The following ULK4 variants were observed in gnomAD, a reference collection of about 807,000 sequenced individuals.
The protein encoded by ULK4 is inactive serine/threonine-protein kinase ULK4.
ULK4 carries 133 observed loss-of-function variants against 160.6 expected under a neutral mutation model. The ratio of observed to expected loss-of-function variants is 0.83; its 90% CI spans 0.72 to 0.96. The LOEUF (loss-of-function observed/expected upper bound fraction) is 0.96, where lower values mean the gene tolerates loss of function less well. Ranked by LOEUF, ULK4 falls within the 40% of genes least tolerant of loss-of-function variation. The pLI, the probability that ULK4 is intolerant of heterozygous loss-of-function variation, is 0.00. For missense variants in ULK4, 1,580 were observed against 1,499.5 expected (o/e 1.05, Z -0.89); for synonymous variants, 534 against 539.8 (o/e 0.99, Z 0.15).
At chr3:41,885,302 T>C (rs1697679060) in intron 16 of ULK4, among the ~76,000 whole-genome samples, 1 of 152,184 alleles carries the variant, frequency 6.6e-6, no homozygotes, top group African/African-American at 2.4e-5. Context: ...CCAAAAACAA[T>C]TCCTATTAGA....
intron 1 of ULK4, among the ~76,000 whole-genome samples, chr3:41,959,691 C>A (rs920854944): frequency 6.6e-6 from 1 of 151,998 alleles, no homozygotes; most frequent in Non-Finnish European, 1.5e-5. Context: ...GTAATCCCAA[C>A]GCTTTCGGAG....
chr3:41,739,351 C>T (rs1315370282), intron 22 of ULK4, among the ~76,000 whole-genome samples: 1 of 151,878 alleles, frequency 6.6e-6, no homozygotes, highest in Non-Finnish European at 1.5e-5. Flanking sequence ...AGCACTGAAT[C>T]TGGTTAGTGA....
intron 34 of ULK4, among the ~76,000 whole-genome samples, chr3:41,419,033 A>G (rs1575535623): frequency 6.6e-6 from 1 of 152,256 alleles, no homozygotes; most frequent in African/African-American, 2.4e-5. Context: ...CACCAAGTTC[A>G]TAAGTCCTGT....
chr3:41,945,516 G>C (rs1251319320), intron 2 of ULK4, among the ~76,000 whole-genome samples: 3 of 152,112 alleles, frequency 2.0e-5, no homozygotes. Flanking sequence ...CTCCTTTGCT[G>C]GGTCCTCCTT....
At chr3:41,510,904 G>A (rs2085549798) in intron 32 of ULK4, among the ~76,000 whole-genome samples, 2 of 152,166 alleles carry the variant, frequency 1.3e-5, no homozygotes, top group African/African-American at 2.4e-5. Context: ...GCTCATGCCT[G>A]TAATCCCTGC....
At chr3:41,856,012 T>G (rs1404540873) in intron 17 of ULK4, among the ~76,000 whole-genome samples, 1 of 152,182 alleles carries the variant, frequency 6.6e-6, no homozygotes, top group East Asian at 1.9e-4. Flanking sequence ...ATTAAATGAA[T>G]TCCATCATTT....
At chr3:41,593,123 T>C (rs2031464667) in intron 31 of ULK4, among the ~76,000 whole-genome samples, 1 of 152,250 alleles carries the variant, frequency 6.6e-6, no homozygotes, top group Non-Finnish European at 1.5e-5. Context: ...ATATTTTGTT[T>C]CTTTGCTGAA....
intron 35 of ULK4, among the ~76,000 whole-genome samples, chr3:41,316,219 C>T (rs1168391836): frequency 2.0e-5 from 3 of 152,098 alleles, no homozygotes; most frequent in African/African-American, 7.2e-5. Context: ...AAAAGAGGCA[C>T]CGACGCATGC....
intron 31 of ULK4, among the ~76,000 whole-genome samples, chr3:41,590,953 T>C (rs2031258791): frequency 6.6e-6 from 1 of 151,974 alleles, no homozygotes; most frequent in African/African-American, 2.4e-5. Flanking sequence ...AAGAAAATCA[T>C]AATTCCACAG....
At chr3:41,721,356 ATATATAT>A (rs1217095574) in intron 22 of ULK4, among the ~76,000 whole-genome samples, 63 of 61,626 alleles carry the variant, frequency 1.0e-3, no homozygotes, top group African/African-American at 4.5e-3. Flanking sequence ...ATATATATAT[ATATATAT>A]TTTTTTTTTT....
intron 34 of ULK4, among the ~76,000 whole-genome samples, chr3:41,403,614 T>A (rs2082229598): frequency 6.6e-6 from 1 of 152,160 alleles, no homozygotes; most frequent in South Asian, 2.1e-4. Flanking sequence ...TCTTTATAAT[T>A]CCTTCCCTTT....
chr3:41,395,972 G>A (rs887321248), intron 35 of ULK4, among the ~76,000 whole-genome samples: 1 of 152,092 alleles, frequency 6.6e-6, no homozygotes, highest in Admixed American at 6.6e-5. Flanking sequence ...CTAAAAGATG[G>A]TAGAATCTGT....
chr3:41,389,416 G>A (rs1461986227), intron 35 of ULK4, among the ~76,000 whole-genome samples: 2 of 152,174 alleles, frequency 1.3e-5, no homozygotes, highest in African/African-American at 2.4e-5. Context: ...ATGTTGAATA[G>A]GAGTGGTGAG....
intron 13 of ULK4, 121 bp downstream of exon 13, chr3:41,900,604 C>T: frequency 1.2e-6 from 1 of 818,396 alleles, no homozygotes; most frequent in Non-Finnish European, 1.9e-6. Context: ...ACAAATGACA[C>T]AGAAGCAGAC....
At chr3:41,933,583 T>C (rs1699664153) in intron 4 of ULK4, among the ~76,000 whole-genome samples, 1 of 152,126 alleles carries the variant, frequency 6.6e-6, no homozygotes, top group Non-Finnish European at 1.5e-5. Context: ...TTTCAGATCA[T>C]AACAGCTGAT....
chr3:41,558,806 G>C (rs1353547830), intron 32 of ULK4, among the ~76,000 whole-genome samples: 2 of 151,860 alleles, frequency 1.3e-5, no homozygotes, highest in Non-Finnish European at 2.9e-5. Flanking sequence ...ATTTTATTCA[G>C]TGACAGATTT....
chr3:41,528,365 C>T (rs78276679), intron 32 of ULK4, among the ~76,000 whole-genome samples: 4,303 of 152,256 alleles, frequency 0.028, 182 homozygotes, highest in African/African-American at 0.093. Context: ...TACTTGAATT[C>T]ATCAATAGAA....
chr3:41,830,516 G>A (rs1355823034), intron 18 of ULK4, among the ~76,000 whole-genome samples: 1 of 151,854 alleles, frequency 6.6e-6, no homozygotes, highest in Non-Finnish European at 1.5e-5. Flanking sequence ...ATGTAGTGAT[G>A]GTTTCATAGG....
intron 32 of ULK4, among the ~76,000 whole-genome samples, chr3:41,475,401 AT>A (rs1417880460): frequency 6.6e-6 from 1 of 152,086 alleles, no homozygotes; most frequent in Non-Finnish European, 1.5e-5. Flanking sequence ...AAGAAATAAG[AT>A]TTTTTTCTTT....
Sources: allele counts gnomAD v4.1 joint callset (sites outside exome capture counted in the v4.1 genomes callset), GRCh38; gene constraint gnomAD v4.1.1; transcripts MANE v1.5; gene names NCBI Gene and HGNC (gene_info 2026-07-23, HGNC 2026-07-21).